The following LCOR variants were observed in gnomAD, a reference collection of about 807,000 sequenced individuals.
LCOR encodes ligand-dependent corepressor.
LCOR carries 14 observed loss-of-function variants against 64.4 expected under a neutral mutation model. The ratio of observed to expected loss-of-function variants is 0.22; its 90% CI spans 0.14 to 0.34. The LOEUF is 0.34. Among genes scored for constraint, LCOR ranks in the 10% least tolerant of loss-of-function variants. LCOR has a pLI of 1.00. For synonymous variants in LCOR, 643 were observed against 642.5 expected (o/e 1.00, Z -0.01); for missense variants, 1,686 against 1,765.3 (o/e 0.96, Z 0.80).
intron 2 of LCOR, among the ~76,000 whole-genome samples, chr10:96,903,287 G>A (rs1391729360): frequency 6.6e-6 from 1 of 152,096 alleles, no homozygotes; most frequent in Non-Finnish European, 1.5e-5. Flanking sequence ...TAAAGTAATT[G>A]CAGTCCAACA....
intron 7 of LCOR, chr10:96,958,385 CAT>C (rs1381982065): frequency 6.5e-6 from 10 of 1,527,372 alleles, no homozygotes; most frequent in Middle Eastern, 1.7e-4. Flanking sequence ...ATTTTACTAA[CAT>C]AAATATTTTC....
intron 4 of LCOR, among the ~76,000 whole-genome samples, chr10:96,937,078 G>T (rs1245610495): frequency 6.6e-6 from 1 of 152,214 alleles, no homozygotes; most frequent in Non-Finnish European, 1.5e-5. Flanking sequence ...AATTTATGAT[G>T]AAGTCATGTT....
At position 96,983,084 on chromosome 10, in the gene LCOR, T is replaced by C; in HGVS notation, c.2624T>C (p.Phe875Ser). 6.2e-7 allele frequency: 1 copy of C among 1,613,498 alleles called. No homozygotes were observed. The highest frequency in any genetic ancestry group is 1.1e-5 in the South Asian group (1 of 91,070). Residue 875 changes from phenylalanine (F) to serine (S), a missense_variant, in exon 8 of 8, where the codon TTC (phenylalanine) becomes TCC (serine). Around this residue, in one of 3 missense-constraint regions of LCOR, gnomAD observed 1,293 missense variants for 1,410.4 expected, o/e 0.92. Transcript: ENST00000421806. The surrounding 1 kb of genome is among the most constrained non-coding windows in gnomAD (Gnocchi z 4.5). The stretch of plus-strand genomic sequence containing the variant: ...CCTAAGGGCCTTCTACCTGACAGTT[T>C]CCACACGGAAACTCTGGAGGACACA... ...TTPKGLLPDS[F>S]HTETLEDTEK...
intron 4 of LCOR, among the ~76,000 whole-genome samples, chr10:96,918,116 C>T (rs1296794778): frequency 6.6e-6 from 1 of 152,094 alleles, no homozygotes; most frequent in African/African-American, 2.4e-5. Flanking sequence ...AGGAGTAAAG[C>T]ACAAAATACT....
Position 96,897,879 on chromosome 10 carries a change from T to G in LCOR, c.-329-9386T>G, listed in dbSNP as rs557045812. Among the ~76,000 whole-genome samples the G allele has an allele frequency of 3.8e-4, 57 of 150,812 alleles. 2 individuals are homozygous for G. The highest frequency in any genetic ancestry group is 1.2e-3 in the African/African-American group (51 of 41,358). The stretch of plus-strand genomic sequence containing the variant: ...GCAGAAAGCCATCTTTTTTTTTTTT[T>G]TTTTTTTGTTTGGTCAGATATCTGT... On this transcript the variant is annotated intron_variant, in intron 2 of 7. Transcript: ENST00000421806.
chr10:96,984,489 G>T lies in LCOR; in HGVS notation c.4029G>T (p.Lys1343Asn). 1 of 1,614,196 alleles carries T rather than the reference G, an allele frequency of 6.2e-7. No homozygotes were observed. Among genetic ancestry groups the T allele is most frequent in the Non-Finnish European group, 8.5e-7 (1 of 1,180,042 alleles). ...ECPDALAVES[K>N]PSRKSVCINP... ...CAGATGCTCTGGCTGTGGAAAGTAA[G>T]CCAAGTCGTAAGAGCGTATGCATCA... The change falls in exon 8 of 8, where the codon AAG becomes AAT. Residue 1343 changes from lysine to asparagine, a missense_variant. Coordinates refer to ENST00000421806, the MANE Select transcript of LCOR (RefSeq NM_001346516.2).
chr10:96,912,595 C>G (rs1846858701), intron 4 of LCOR, among the ~76,000 whole-genome samples: 1 of 134,264 alleles, frequency 7.4e-6, no homozygotes, highest in Non-Finnish European at 1.6e-5. Context: ...GTAAGATCTT[C>G]CTTTCTTCCT....
chr10:96,836,229 A>G (rs1005655329), intron 2 of LCOR, among the ~76,000 whole-genome samples: 3 of 152,156 alleles, frequency 2.0e-5, no homozygotes, highest in Non-Finnish European at 4.4e-5. Context: ...GGTGCTACAC[A>G]GGGGGGCCTG....
At chr10:96,852,438 A>C (rs774752556) in intron 2 of LCOR, among the ~76,000 whole-genome samples, 3 of 152,052 alleles carry the variant, frequency 2.0e-5, no homozygotes, top group South Asian at 2.1e-4. Flanking sequence ...AACAACAAAA[A>C]CCGACAAATT....
intron 2 of LCOR, among the ~76,000 whole-genome samples, chr10:96,835,889 A>G (rs1845433536): frequency 6.6e-6 from 1 of 152,176 alleles, no homozygotes; most frequent in Non-Finnish European, 1.5e-5. Flanking sequence ...AAGATGGATG[A>G]TATTTGGTTA....
chr10:96,907,871 A>G (rs1846756450), intron 4 of LCOR, 124 bp downstream of exon 4: 1 of 199,622 alleles, frequency 5.0e-6, no homozygotes, highest in Non-Finnish European at 9.0e-6. Flanking sequence ...ATACTTAGTT[A>G]TGAAAGAGTT....
Position 96,974,577 on chromosome 10 carries a change from C to G in LCOR, c.333-6216C>G, listed in dbSNP as rs577085397. Among the ~76,000 whole-genome samples, 63 of 152,294 alleles carry G rather than the reference C, an allele frequency of 4.1e-4. 1 individual carries two copies. Among genetic ancestry groups the G allele is most frequent in the African/African-American group, 1.3e-3 (56 of 41,542 alleles). ...CCGAACTAAAACAGTGCTTCCTGGA[C>G]CTTAGGCCAAGTTGAGGAAATGGTT... On this transcript the variant is annotated intron_variant, in intron 7 of 7. Coordinates refer to ENST00000421806, the MANE Select transcript of LCOR (RefSeq NM_001346516.2).
chr10:96,879,624 T>C (rs2134417466), intron 2 of LCOR, among the ~76,000 whole-genome samples: 1 of 152,332 alleles, frequency 6.6e-6, no homozygotes, highest in South Asian at 2.1e-4. Context: ...TTATCTAAGT[T>C]GGAGACTATA....
chr10:96,904,807 A>T (rs1846700783), intron 2 of LCOR, among the ~76,000 whole-genome samples: 1 of 152,152 alleles, frequency 6.6e-6, no homozygotes, highest in South Asian at 2.1e-4. Flanking sequence ...CCTTTCATTA[A>T]TGTCAAGCAT....
chr10:96,958,560 G>C, intron 7 of LCOR: 1 of 661,344 alleles, frequency 1.5e-6, no homozygotes, highest in Non-Finnish European at 2.7e-6. Context: ...TGGTTAGAAA[G>C]TGAATTTAAA....
intron 7 of LCOR, among the ~76,000 whole-genome samples, chr10:96,969,166 T>C (rs1379694418): frequency 1.3e-5 from 2 of 152,106 alleles, no homozygotes; most frequent in African/African-American, 2.4e-5. Context: ...GAATTTAGTG[T>C]GAGGGATAGA....
intron 4 of LCOR, among the ~76,000 whole-genome samples, chr10:96,931,593 T>TC (rs750838698): frequency 6.6e-6 from 1 of 152,018 alleles, no homozygotes; most frequent in African/African-American, 2.4e-5. Context: ...CTTCCACAAC[T>TC]CCTTTAAAAG....
intron 4 of LCOR, among the ~76,000 whole-genome samples, chr10:96,918,757 A>G (rs1158300036): frequency 5.3e-5 from 8 of 152,256 alleles, no homozygotes; most frequent in African/African-American, 1.7e-4. Context: ...TAAATCAGGC[A>G]TGAATGCCTG....
At chr10:96,899,442 T>A (rs917072746) in intron 2 of LCOR, among the ~76,000 whole-genome samples, 1 of 152,162 alleles carries the variant, frequency 6.6e-6, no homozygotes, top group Non-Finnish European at 1.5e-5. Flanking sequence ...TCTTGATGGC[T>A]TTGTGAATAG....
Sources: gnomAD v4.1 joint callset for allele counts (sites outside exome capture counted in the v4.1 genomes callset) on GRCh38, gnomAD v4.1.1 for gene constraint, gnomAD v4.1.1 regional missense constraint, Gnocchi (gnomAD v3.1) non-coding constraint, MANE v1.5 for transcripts, NCBI Gene and HGNC (gene_info 2026-07-23, HGNC 2026-07-21) for gene names.